Variants in DISP1 observed in about 807,000 individuals in gnomAD.
DISP1 encodes the protein dispatched RND transporter family member 1.
In DISP1, 30 loss-of-function variants were observed where a neutral mutation model predicts 37.3. That is an observed-to-expected ratio of 0.80 (90% confidence interval 0.60 to 1.09). The LOEUF is 1.09. Among genes scored for constraint, DISP1 ranks in the 50% least tolerant of loss-of-function variants. The pLI is 0.00. For synonymous variants in DISP1, 634 were observed against 690.2 expected (o/e 0.92, Z 1.28); for missense variants, 1,598 against 1,879.5 (o/e 0.85, Z 2.77).
intron 1 of DISP1, among the ~76,000 whole-genome samples, chr1:222,828,962 G>A (rs61839590): frequency 6.6e-6 from 1 of 152,072 alleles, no homozygotes; most frequent in Non-Finnish European, 1.5e-5. Flanking sequence ...GAACATGTGG[G>A]CTGGGGGATG....
intron 3 of DISP1, among the ~76,000 whole-genome samples, chr1:222,962,018 AAAAG>A (rs1676102116): frequency 6.6e-6 from 1 of 151,636 alleles, no homozygotes; most frequent in Non-Finnish European, 1.5e-5. Flanking sequence ...AAAAGAAAAA[AAAAG>A]AAGAAGAAAG....
Position 223,005,743 on chromosome 1 carries a change from G to A in DISP1, c.4346G>A (p.Ser1449Asn). The change falls in exon 9 of 9, where the codon AGT becomes AAT. Residue 1449 changes from serine to asparagine, a missense_variant. Transcript: ENST00000675850. The part of the protein sequence containing the change: ...VELSLSQTDA[S>N]VNSEHFNQNE... ...CTGAGCTTGTCACAGACGGATGCAA[G>A]TGTGAACTCAGAACATTTCAATCAG... The A allele has an allele frequency of 6.2e-7, 1 of 1,614,172 alleles. No individual in the cohort carries two copies. The highest frequency in any genetic ancestry group is 8.5e-7 in the Non-Finnish European group (1 of 1,180,040).
intron 1 of DISP1, among the ~76,000 whole-genome samples, chr1:222,926,935 C>T (rs1329592212): frequency 6.6e-6 from 1 of 152,132 alleles, no homozygotes; most frequent in African/African-American, 2.4e-5. Flanking sequence ...ATTCACATGT[C>T]TGAATGACTG....
intron 1 of DISP1, among the ~76,000 whole-genome samples, chr1:222,896,209 G>A (rs1220765561): frequency 6.6e-6 from 1 of 152,126 alleles, no homozygotes; most frequent in Non-Finnish European, 1.5e-5. Flanking sequence ...CCGGTAGGCC[G>A]AAATGGGAGG....
At chr1:222,930,819 A>G (rs1403305403) in intron 2 of DISP1, among the ~76,000 whole-genome samples, 2 of 152,090 alleles carry the variant, frequency 1.3e-5, no homozygotes, top group East Asian at 1.9e-4. Context: ...TACTGATTCA[A>G]TTCAAGTAAG....
chr1:222,961,745 C>T (rs1276320652), intron 3 of DISP1, among the ~76,000 whole-genome samples: 4 of 152,292 alleles, frequency 2.6e-5, no homozygotes, highest in South Asian at 2.1e-4. Flanking sequence ...CAGTGGCTCA[C>T]GCCTGTAATC....
At chr1:222,839,568 A>G (rs946520351) in intron 1 of DISP1, among the ~76,000 whole-genome samples, 2 of 152,202 alleles carry the variant, frequency 1.3e-5, no homozygotes, top group Non-Finnish European at 2.9e-5. Flanking sequence ...TGCTTAGTAC[A>G]GAGATGCTCT....
chr1:222,954,913 G>A (rs1332285279), intron 3 of DISP1, among the ~76,000 whole-genome samples: 1 of 151,900 alleles, frequency 6.6e-6, no homozygotes, highest in African/African-American at 2.4e-5. Context: ...GGAACAGGAG[G>A]CCTGGAGGCA....
intron 3 of DISP1, among the ~76,000 whole-genome samples, chr1:222,978,589 T>C (rs1179776915): frequency 6.6e-6 from 1 of 152,198 alleles, no homozygotes; most frequent in Non-Finnish European, 1.5e-5. Context: ...ACATGAAGTC[T>C]TTGCCCATGC....
At chr1:222,932,207 C>G (rs941879846) in intron 2 of DISP1, among the ~76,000 whole-genome samples, 1 of 151,850 alleles carries the variant, frequency 6.6e-6, no homozygotes, top group Non-Finnish European at 1.5e-5. Flanking sequence ...TGGCTCTCAG[C>G]TCTGACTGCA....
intron 3 of DISP1, among the ~76,000 whole-genome samples, chr1:222,966,015 C>G (rs141088641): frequency 6.7e-4 from 102 of 152,104 alleles, no homozygotes; most frequent in African/African-American, 2.4e-3. Context: ...GGGAACAGAG[C>G]AAGATCTTGT....
At position 223,002,649 on chromosome 1, in the gene DISP1, T is replaced by C; in HGVS notation, c.1252T>C (p.Cys418Arg). 6.2e-7 allele frequency: 1 copy of C among 1,614,132 alleles called. No individual in the cohort carries two copies. The highest frequency in any genetic ancestry group is 8.5e-7 in the Non-Finnish European group (1 of 1,180,020). Residue 418 changes from cysteine to arginine, a missense_variant, in exon 9 of 9, where the codon TGT becomes CGT. Coordinates refer to ENST00000675850, the MANE Select transcript of DISP1 (RefSeq NM_001377229.1). The part of the protein sequence containing the change: ...QLKCTNVPRK[C>R]TKYNAVYQIL... Reference sequence around the variant, plus strand: ...CAAGTGCACCAATGTGCCACGCAAATGTACCAAGTACAATGCTGTGTACCA... The same window carrying C: ...CAAGTGCACCAATGTGCCACGCAAACGTACCAAGTACAATGCTGTGTACCA...
chr1:222,899,877 C>T (rs1300715393), intron 1 of DISP1: 1 of 152,138 alleles, frequency 6.6e-6, no homozygotes, highest in Non-Finnish European at 1.5e-5. Flanking sequence ...TATGAGCCAC[C>T]ATGCCTGGCC....
intron 1 of DISP1, among the ~76,000 whole-genome samples, chr1:222,919,925 A>G (rs1028678095): frequency 1.3e-5 from 2 of 152,160 alleles, no homozygotes; most frequent in African/African-American, 4.8e-5. Flanking sequence ...ATTTTTGGGA[A>G]TGTGATGTGT....
At chr1:222,926,469 C>T (rs1188024392) in intron 1 of DISP1, among the ~76,000 whole-genome samples, 1 of 152,172 alleles carries the variant, frequency 6.6e-6, no homozygotes, top group Non-Finnish European at 1.5e-5. Flanking sequence ...CCTGAAGTCA[C>T]TGCAAACACT....
At chr1:222,974,365 A>G (rs760207062) in intron 3 of DISP1, among the ~76,000 whole-genome samples, 5 of 152,234 alleles carry the variant, frequency 3.3e-5, no homozygotes, top group Non-Finnish European at 7.3e-5. Flanking sequence ...CTTTAACTTC[A>G]CATCTTTTGA....
At chr1:222,883,173 A>G (rs1670374259) in intron 1 of DISP1, among the ~76,000 whole-genome samples, 1 of 152,202 alleles carries the variant, frequency 6.6e-6, no homozygotes, top group African/African-American at 2.4e-5. Flanking sequence ...TAAGTATCAT[A>G]AAAGTGTTCA....
chr1:222,817,994 T>C (rs1487501067), intron 1 of DISP1, among the ~76,000 whole-genome samples: 1 of 152,258 alleles, frequency 6.6e-6, no homozygotes, highest in Admixed American at 6.5e-5. Context: ...ACACTGTAGA[T>C]GAACTTTTCT....
chr1:222,997,472 C>T (rs565875061), intron 8 of DISP1, among the ~76,000 whole-genome samples: 2 of 152,180 alleles, frequency 1.3e-5, no homozygotes, highest in East Asian at 3.9e-4. Flanking sequence ...TAACAGCGTG[C>T]TTAGAAGAGA....
Sources: gnomAD v4.1 joint callset for allele counts (sites outside exome capture counted in the v4.1 genomes callset) on GRCh38, gnomAD v4.1.1 for gene constraint, MANE v1.5 for transcripts, NCBI Gene and HGNC (gene_info 2026-07-23, HGNC 2026-07-21) for gene names.